The following VPS39 variants were observed in gnomAD, a reference collection of about 807,000 sequenced individuals.
VPS39 encodes the protein VPS39 subunit of HOPS complex.
In VPS39, 70 loss-of-function variants were observed where a neutral mutation model predicts 121.0. The ratio of observed to expected loss-of-function variants is 0.58; its 90% CI spans 0.48 to 0.71. VPS39 has a LOEUF of 0.71. Ranked by LOEUF, VPS39 falls within the 30% of genes least tolerant of loss-of-function variation. The pLI, the probability that VPS39 is intolerant of heterozygous loss-of-function variation, is 0.00. For synonymous variants in VPS39, 378 were observed against 398.1 expected (o/e 0.95, Z 0.60); for missense variants, 818 against 1,051.5 (o/e 0.78, Z 3.07).
intron 19 of VPS39, 30 bp from the exon 20 acceptor site, chr15:42,163,758 T>G: frequency 6.5e-7 from 1 of 1,546,948 alleles, no homozygotes; most frequent in South Asian, 1.2e-5. Context: ...GAGGAACCAC[T>G]GCCGCCATCA....
intron 1 of VPS39, among the ~76,000 whole-genome samples, chr15:42,201,082 C>T (rs1251824375): frequency 6.6e-6 from 1 of 152,116 alleles, no homozygotes; most frequent in African/African-American, 2.4e-5. Context: ...TACTGAGTTT[C>T]TTCTGAAAGT....
chr15:42,185,178 CTTTTT>C (rs34792839), intron 7 of VPS39, among the ~76,000 whole-genome samples: 2 of 136,242 alleles, frequency 1.5e-5, no homozygotes. Flanking sequence ...TTGAAAACAA[CTTTTT>C]TTTTTTTTTT....
chr15:42,184,398 C>T, intron 8 of VPS39, 119 bp downstream of exon 8: 1 of 1,053,666 alleles, frequency 9.5e-7, no homozygotes, highest in East Asian at 2.7e-5. Flanking sequence ...AGAAGGGGAA[C>T]TGAAAGTGAA....
intron 8 of VPS39, 175 bp from the exon 9 acceptor site, chr15:42,178,745 G>C: frequency 1.1e-6 from 1 of 899,822 alleles, no homozygotes. Flanking sequence ...AAATTGGCCT[G>C]TAATCCCAGC....
intron 18 of VPS39, 159 bp downstream of exon 18, chr15:42,164,837 G>A: frequency 6.9e-7 from 1 of 1,444,480 alleles, no homozygotes; most frequent in Non-Finnish European, 9.1e-7. Flanking sequence ...AGTCTCATGT[G>A]CCAGGCTTGT....
intron 12 of VPS39, among the ~76,000 whole-genome samples, chr15:42,167,862 C>T (rs897572259): frequency 2.0e-5 from 3 of 152,220 alleles, no homozygotes; most frequent in African/African-American, 7.2e-5. Flanking sequence ...GCAGGATTCA[C>T]ACTGGGGGCT....
intron 2 of VPS39, among the ~76,000 whole-genome samples, chr15:42,196,335 C>T (rs2049937691): frequency 6.6e-6 from 1 of 152,050 alleles, no homozygotes; most frequent in South Asian, 2.1e-4. Context: ...TCTAATTAAA[C>T]TAAAGAGCTT....
Position 42,178,444 on chromosome 15 carries a change from C to T in VPS39, c.839+6G>A. 6.2e-7 allele frequency: 1 copy of T among 1,614,182 alleles called. No homozygotes were observed. The highest frequency in any genetic ancestry group is 8.5e-7 in the Non-Finnish European group (1 of 1,180,038). On this transcript the variant is annotated splice_donor_region_variant and intron_variant, in intron 9 of 24. Transcript: ENST00000318006. ...TACAGCCATAGCAAAAAAAGAAATT[C>T]CTTACCCTCCTGAGGTAATGAAACG... is the stretch of plus-strand genomic sequence containing the variant.
At chr15:42,163,834 A>G (rs1281224231) in intron 19 of VPS39, 106 bp from the exon 20 acceptor site, 7 of 734,950 alleles carry the variant, frequency 9.5e-6, no homozygotes, top group Non-Finnish European at 1.5e-5. Context: ...AGGGAAGACA[A>G]TAGGATTCTT....
chr15:42,206,421 G>C (rs1000543083), intron 1 of VPS39, among the ~76,000 whole-genome samples: 1 of 152,206 alleles, frequency 6.6e-6, no homozygotes, highest in African/African-American at 2.4e-5. Flanking sequence ...CTCCTGTTCG[G>C]TGGGTGATCA....
intron 1 of VPS39, among the ~76,000 whole-genome samples, chr15:42,202,794 C>A (rs2050093034): frequency 6.6e-6 from 1 of 152,136 alleles, no homozygotes; most frequent in Non-Finnish European, 1.5e-5. Context: ...TCTCTGGGGA[C>A]CCCTGTGACA....
Position 42,173,572 on chromosome 15 carries a change from G to A in VPS39, c.1090+151C>T, listed in dbSNP as rs2049388281. 9 of 965,018 alleles carry A rather than the reference G, an allele frequency of 9.3e-6. No homozygotes were observed. The Admixed American group carries it at 1.0e-4, about 11-fold the overall frequency. The allele number at this position is 965,018 out of a possible 1,614,324, so 59.8% of individuals were successfully genotyped here. On this transcript the variant is annotated intron_variant, in intron 11 of 24. Coordinates refer to ENST00000318006, the MANE Select transcript of VPS39 (RefSeq NM_015289.5). Reference sequence around the variant, plus strand: ...AGGAGTATAGATATGTAACCACTGTGGTCACCCCACAGGATCTTGCTAGGT... The same window carrying A: ...AGGAGTATAGATATGTAACCACTGTAGTCACCCCACAGGATCTTGCTAGGT...
chr15:42,177,913 C>T (rs747454258), intron 10 of VPS39, among the ~76,000 whole-genome samples: 1 of 152,194 alleles, frequency 6.6e-6, no homozygotes, highest in Non-Finnish European at 1.5e-5. Context: ...GTGATCTGCT[C>T]GCCTTGGCCT....
chr15:42,194,302 T>C (rs951954082), intron 2 of VPS39, among the ~76,000 whole-genome samples: 4 of 151,836 alleles, frequency 2.6e-5, no homozygotes, highest in African/African-American at 9.7e-5. Context: ...GGTGAAATCC[T>C]GTCTCTACTG....
chr15:42,202,155 C>A (rs554495800), intron 1 of VPS39, among the ~76,000 whole-genome samples: 1 of 152,294 alleles, frequency 6.6e-6, no homozygotes, highest in East Asian at 1.9e-4. Flanking sequence ...TGGGTGTCAG[C>A]CAAAGGTTGT....
At chr15:42,201,208 C>T (rs976184691) in intron 1 of VPS39, among the ~76,000 whole-genome samples, 8 of 152,154 alleles carry the variant, frequency 5.3e-5, no homozygotes, top group African/African-American at 1.9e-4. Context: ...TAGGGTTCTA[C>T]TCTGTTGCCC....
intron 2 of VPS39, among the ~76,000 whole-genome samples, chr15:42,192,437 G>A (rs2049848239): frequency 6.6e-6 from 1 of 152,172 alleles, no homozygotes; most frequent in African/African-American, 2.4e-5. Flanking sequence ...TAAAGCCTGT[G>A]CTCTGAACCC....
At chr15:42,187,900 TC>T (rs2049738492) in intron 5 of VPS39, 44 bp from the exon 6 acceptor site, 1 of 1,549,928 alleles carries the variant, frequency 6.5e-7, no homozygotes, top group African/African-American at 1.4e-5. Flanking sequence ...AATGACTCTC[TC>T]TAACTGAGTG....
chr15:42,208,279 TCAA>T lies in VPS39; in HGVS notation c.-129_-127del. 2.4e-6 allele frequency: 3 copies of T among 1,253,472 alleles called. No homozygotes were observed. Among genetic ancestry groups the T allele is most frequent in the East Asian group, 5.2e-5 (2 of 38,614 alleles). The allele number at this position is 1,253,472 out of a possible 1,614,324, so 77.6% of individuals were successfully genotyped here. ...CAGGAACCCCCCGGCTACAGGCCCT[TCAA>T]CAACACAGCCATCGTCAACCCCGGA... On this transcript the variant is annotated 5_prime_UTR_variant, in exon 1 of 25. Coordinates refer to ENST00000318006, the MANE Select transcript of VPS39 (RefSeq NM_015289.5).
Sources: gnomAD v4.1 joint callset for allele counts (sites outside exome capture counted in the v4.1 genomes callset) on GRCh38, gnomAD v4.1.1 for gene constraint, MANE v1.5 for transcripts, NCBI Gene and HGNC (gene_info 2026-07-23, HGNC 2026-07-21) for gene names.